The following RAD23B variants were observed in gnomAD, a reference collection of about 807,000 sequenced individuals.
RAD23B encodes lysine-specific demethylase RAD23B.
Under a neutral mutation model 49.1 loss-of-function variants are expected in RAD23B, and 5 were observed. The observed-to-expected ratio is 0.10, with a 90% confidence interval of 0.05 to 0.21. The LOEUF is 0.21. Among genes scored for constraint, RAD23B ranks in the 10% least tolerant of loss-of-function variants. The pLI is 1.00. For missense variants in RAD23B, 356 were observed against 486.7 expected (o/e 0.73, Z 2.53); for synonymous variants, 184 against 165.4 (o/e 1.11, Z -0.86).
chr9:107,319,128 C>CTTTTT (rs56891354), intron 6 of RAD23B, among the ~76,000 whole-genome samples: 10,055 of 97,330 alleles, frequency 0.1, 854 homozygotes, highest in Non-Finnish European at 0.12. Context: ...TTTCTTTTTT[C>CTTTTT]TTTTTTTTTT....
chr9:107,309,403 G>A (rs187733263), intron 4 of RAD23B, among the ~76,000 whole-genome samples: 9 of 152,298 alleles, frequency 5.9e-5, no homozygotes, highest in Admixed American at 5.2e-4. Context: ...TTGCAGAAGA[G>A]TATAGGCAAT....
At chr9:107,325,180 G>T in intron 9 of RAD23B, 176 bp downstream of exon 9, 1 of 464,254 alleles carries the variant, frequency 2.2e-6, no homozygotes. Flanking sequence ...CTGGCGTGGT[G>T]GCACATACCT....
In RAD23B at chr9:107,318,091, A is replaced by G. The variant is rs539317224; in HGVS notation, c.554-661A>G. Among the ~76,000 whole-genome samples, 26 of 152,118 alleles carry G rather than the reference A, an allele frequency of 1.7e-4. No individual in the cohort carries two copies. In the South Asian group the frequency reaches 2.9e-3, roughly 17 times the overall value. ...CCTTACCTTCATACCTCATTTTTCTATTGTACTCTGAAACATATTATATGA... is the reference window on the plus strand; with the variant it reads ...CCTTACCTTCATACCTCATTTTTCTGTTGTACTCTGAAACATATTATATGA... On this transcript the variant is annotated intron_variant, in intron 5 of 9. Transcript: ENST00000358015. The surrounding 1 kb of genome is among the most constrained non-coding windows in gnomAD (Gnocchi z 4.3).
chr9:107,287,074 C>CAA (rs1227654857), intron 1 of RAD23B, among the ~76,000 whole-genome samples: 962 of 94,208 alleles, frequency 0.01, 12 homozygotes, highest in African/African-American at 0.032. Context: ...GACTCCGTCT[C>CAA]AAAAAAAAAA....
At chr9:107,298,247 C>G (rs1194715748) in intron 1 of RAD23B, among the ~76,000 whole-genome samples, 1 of 152,138 alleles carries the variant, frequency 6.6e-6, no homozygotes. Flanking sequence ...GGTTTCAAGA[C>G]TTGTTTACAT....
rs776531519 is a variant in RAD23B, at chr9:107,331,619, C to G, written c.*1963C>G. 3 of 749,542 alleles carry G rather than the reference C, an allele frequency of 4.0e-6. No homozygotes were observed. The African/African-American group carries it at 5.2e-5, about 13-fold the overall frequency. 46.4% of individuals were successfully genotyped at this position (749,542 alleles called of 1,614,324 possible). On this transcript the variant is annotated 3_prime_UTR_variant, in exon 10 of 10. Coordinates refer to ENST00000358015, the MANE Select transcript of RAD23B (RefSeq NM_002874.5). ...TGGGAAAAGAGGTGGCATTTCTGATCGGATAATGGAATACTCTCATTTATT... is the reference window on the plus strand; with the variant it reads ...TGGGAAAAGAGGTGGCATTTCTGATGGGATAATGGAATACTCTCATTTATT...
chr9:107,322,630 A>C (rs1034104218), intron 7 of RAD23B, among the ~76,000 whole-genome samples: 1 of 149,286 alleles, frequency 6.7e-6, no homozygotes, highest in Non-Finnish European at 1.5e-5. Flanking sequence ...TATAGGTCTG[A>C]CTACAGAGCA....
intron 2 of RAD23B, among the ~76,000 whole-genome samples, chr9:107,301,459 A>G (rs1376466415): frequency 6.6e-6 from 1 of 152,186 alleles, no homozygotes; most frequent in Non-Finnish European, 1.5e-5. Context: ...TCTTTTATAT[A>G]ATCAATACAT....
chr9:107,284,564 A>T (rs990208349), intron 1 of RAD23B: 4 of 209,166 alleles, frequency 1.9e-5, no homozygotes, highest in Non-Finnish European at 3.4e-5. Flanking sequence ...AGTCCACATT[A>T]TACATTTTTC....
At chr9:107,283,971 C>A in intron 1 of RAD23B, 1 of 1,124,124 alleles carries the variant, frequency 8.9e-7, no homozygotes, top group Non-Finnish European at 1.1e-6. Flanking sequence ...GGCCTAGGAG[C>A]TCGTGCTAGC....
intron 9 of RAD23B, among the ~76,000 whole-genome samples, chr9:107,328,474 G>A (rs1403602001): frequency 6.6e-6 from 1 of 152,102 alleles, no homozygotes; most frequent in Non-Finnish European, 1.5e-5. Context: ...CATTTGTTAG[G>A]CTATCATACG....
chr9:107,303,670 A>G (rs187077601), intron 3 of RAD23B, among the ~76,000 whole-genome samples: 15 of 152,222 alleles, frequency 9.9e-5, no homozygotes, highest in Admixed American at 6.5e-5. Flanking sequence ...CACTTAGCAT[A>G]ATGTCATTGA....
intron 7 of RAD23B, 86 bp from the exon 8 acceptor site, chr9:107,323,804 A>C: frequency 8.4e-7 from 1 of 1,196,572 alleles, no homozygotes; most frequent in African/African-American, 1.5e-5. Context: ...TTTCTTTGAT[A>C]GTGTTTGCTG....
At chr9:107,328,678 TTGCTCACCCAC>T (rs1226086224) in intron 9 of RAD23B, among the ~76,000 whole-genome samples, 1 of 152,158 alleles carries the variant, frequency 6.6e-6, no homozygotes, top group Non-Finnish European at 1.5e-5. Flanking sequence ...GCCCAGTTCC[TTGCTCACCCAC>T]TGCTCACCTG....
At chr9:107,316,095 C>T (rs142065609) in intron 5 of RAD23B, among the ~76,000 whole-genome samples, 1,757 of 152,040 alleles carry the variant, frequency 0.012, 25 homozygotes, top group African/African-American at 0.039. Context: ...CTGCAATCTC[C>T]GCCTCCGGGG....
At chr9:107,313,970 C>T (rs770909405) in intron 5 of RAD23B, among the ~76,000 whole-genome samples, 2 of 151,842 alleles carry the variant, frequency 1.3e-5, no homozygotes, top group Non-Finnish European at 2.9e-5. Flanking sequence ...TTCTTCCCCT[C>T]ATTCCACAGT....
chr9:107,319,165 C>G (rs1238569044), intron 6 of RAD23B, among the ~76,000 whole-genome samples: 1 of 125,200 alleles, frequency 8.0e-6, no homozygotes, highest in Non-Finnish European at 1.6e-5. Flanking sequence ...GAGTCTCGCT[C>G]TGTCGCCCAG....
chr9:107,285,287 A>G (rs1298000039), intron 1 of RAD23B, among the ~76,000 whole-genome samples: 1 of 152,212 alleles, frequency 6.6e-6, no homozygotes, highest in Non-Finnish European at 1.5e-5. Flanking sequence ...GTGAAAGTTA[A>G]AATGGAGTTT....
Position 107,329,760 on chromosome 9 carries a change from A to G in RAD23B, c.*104A>G. 2.6e-6 allele frequency: 1 copy of G among 378,268 alleles called. No homozygotes were observed. The highest frequency in any genetic ancestry group is 5.4e-6 in the Non-Finnish European group (1 of 184,632). 23.4% of individuals were successfully genotyped at this position (378,268 alleles called of 1,614,324 possible). On this transcript the variant is annotated 3_prime_UTR_variant, in exon 10 of 10. Coordinates refer to ENST00000358015, the MANE Select transcript of RAD23B (RefSeq NM_002874.5). ...GCTCATATCCACAATACTTGGTATA[A>G]GGTAGTAGATTGTTGGGGGTGGGGA...
Sources: allele counts gnomAD v4.1 joint callset (sites outside exome capture counted in the v4.1 genomes callset), GRCh38; gene constraint gnomAD v4.1.1; non-coding constraint Gnocchi (gnomAD v3.1); transcripts MANE v1.5; gene names NCBI Gene and HGNC (gene_info 2026-07-23, HGNC 2026-07-21).